SLC49A3: variants seen among roughly 807,000 people sequenced by gnomAD.
SLC49A3 encodes solute carrier family 49 member A3.
SLC49A3 carries 50 observed loss-of-function variants against 43.8 expected under a neutral mutation model. The observed-to-expected ratio is 1.14, with a 90% CI of 0.91 to 1.45. The LOEUF is 1.45. SLC49A3 is among the 40% of genes most tolerant of loss of function. The pLI is 0.00. For missense variants in SLC49A3, 906 were observed against 774.1 expected (o/e 1.17, Z -2.02); for synonymous variants, 413 against 352.0 (o/e 1.17, Z -1.94).
At chr4:678,263 T>C, downstream of SLC49A3, 4 of 1,467,360 alleles carry the variant, frequency 2.7e-6, no homozygotes, top group Non-Finnish European at 3.6e-6. Flanking sequence ...GTTGCTCTCC[T>C]GGTGAGAGTC....
intron 4 of SLC49A3, 84 bp from the exon 5 acceptor site, chr4:684,940 T>TC (rs1354778759): frequency 3.0e-5 from 45 of 1,491,946 alleles, no homozygotes; most frequent in Non-Finnish European, 3.9e-5. Flanking sequence ...AGGCGCCACC[T>TC]CCCAGCTCCT....
rs1478576881 is a variant in SLC49A3, at chr4:688,973, G to A, written c.135+20C>T. ...GGGACTGAGGGTCCCGGAGCCACCT[G>A]TCCCCGCCCCTGCCCCTACCGTGGC... is the stretch of plus-strand genomic sequence containing the variant. On this transcript the variant is annotated intron_variant, in intron 1 of 9. Coordinates refer to ENST00000322224, the MANE Select transcript of SLC49A3 (RefSeq NM_032219.4). 1 of 1,584,200 alleles carries A rather than the reference G, an allele frequency of 6.3e-7. No individual in the cohort carries two copies. Among genetic ancestry groups the A allele is most frequent in the Admixed American group, 1.7e-5 (1 of 58,044 alleles).
At position 682,447 on chromosome 4, in the gene SLC49A3, G is replaced by T. The variant is rs149444319; in HGVS notation, c.1262-71C>A. On this transcript the variant is annotated intron_variant, in intron 9 of 9. Transcript: ENST00000322224. ...CACAGATGGGCAGAGCCCAATGCTGGCCTATGGTGACCCCACTACCCTTGA... is the reference window on the plus strand; with the variant it reads ...CACAGATGGGCAGAGCCCAATGCTGTCCTATGGTGACCCCACTACCCTTGA... 1.2e-3 allele frequency: 1,598 copies of T among 1,292,016 alleles called. 1 individual carries two copies. The highest frequency in any genetic ancestry group is 6.3e-3 in the Middle Eastern group (29 of 4,598). The allele number at this position is 1,292,016 out of a possible 1,614,324, so 80.0% of individuals were successfully genotyped here.
rs563442885 is a variant in SLC49A3, at chr4:686,223, G to C, written c.374C>G (p.Pro125Arg). 33 of 1,613,600 alleles carry C rather than the reference G, an allele frequency of 2.0e-5. No homozygotes were observed. The South Asian group carries it at 2.3e-4, about 11-fold the overall frequency. Residue 125 changes from proline to arginine, a missense_variant, in exon 3 of 10, where the codon CCA (proline) becomes CGA (arginine). Coordinates refer to ENST00000322224, the MANE Select transcript of SLC49A3 (RefSeq NM_032219.4). ...VPCMVVGTQN[P>R]FAFLMGGQSL... ...CTGGCCACCCATGAGGAAGGCAAAT[G>C]GGTTTTGGGTCCCAACAACCATGCA...
At chr4:680,598 G>T (rs572105459), downstream of SLC49A3, 141 of 1,601,730 alleles carry the variant, frequency 8.8e-5, no homozygotes, top group Admixed American at 8.1e-4. Flanking sequence ...GTGAGTGCCC[G>T]GGCGGCCAGG....
downstream of SLC49A3, chr4:680,088 G>A (rs192490854): frequency 2.5e-4 from 341 of 1,349,462 alleles, no homozygotes; most frequent in Non-Finnish European, 3.2e-4. Context: ...GACATTTCAC[G>A]TAAAAATCTC....
At position 684,487 on chromosome 4, in the gene SLC49A3, G is replaced by T. The variant is rs759501936; in HGVS notation, c.836C>A (p.Ser279Tyr). Residue 279 changes from serine to tyrosine, a missense_variant, in exon 6 of 10, where the codon TCC becomes TAC. Coordinates refer to ENST00000322224, the MANE Select transcript of SLC49A3 (RefSeq NM_032219.4). ...CAGGGGTGGGGCCAGGCTCACACTG[G>T]AGTGGCCGCTTGCACAGAGGATCTG... Reference protein sequence around the residue: ...LEQILCASGHSSGFSGLCGAL... With the variant: ...LEQILCASGHYSGFSGLCGAL... The T allele has an allele frequency of 4.3e-6, 7 of 1,612,806 alleles. No homozygotes were observed. In the African/African-American group the frequency reaches 8.0e-5, roughly 18 times the overall value.
At chr4:686,805 A>C in intron 1 of SLC49A3, 115 bp from the exon 2 acceptor site, 1 of 1,351,178 alleles carries the variant, frequency 7.4e-7, no homozygotes, top group Non-Finnish European at 1.0e-6. Context: ...CCGAGGGGAC[A>C]CAGCGAGCTG....
Position 682,030 on chromosome 4 carries a change from C to G in SLC49A3, c.1608G>C (p.Arg536Ser). The change falls in exon 10 of 10, where the codon AGG becomes AGC. Residue 536 changes from arginine (R) to serine (S), a missense_variant. Arg to Ser is a moderately radical substitution (Grantham distance 110). Transcript: ENST00000322224. Reference sequence around the variant, plus strand: ...GGTCAATAAACCTGGACGCTTGGACCCTGCCTGCGAGTCTGCCGGGGCGGG... The same window carrying G: ...GGTCAATAAACCTGGACGCTTGGACGCTGCCTGCGAGTCTGCCGGGGCGGG... Reference protein sequence around the residue: ...APSRPGRLAGRVQASRFIDPA... With the variant: ...APSRPGRLAGSVQASRFIDPA... The G allele has an allele frequency of 7.0e-7, 1 of 1,430,324 alleles. No homozygotes were observed. Among genetic ancestry groups the G allele is most frequent in the Non-Finnish European group, 9.3e-7 (1 of 1,078,846 alleles). 88.6% of individuals were successfully genotyped at this position (1,430,324 alleles called of 1,614,324 possible).
In SLC49A3 at chr4:686,818, C is replaced by T. The variant is rs532686329; in HGVS notation, c.136-128G>A. 7.2e-4 allele frequency: 879 copies of T among 1,221,232 alleles called. 3 individuals carry two copies. Among genetic ancestry groups the T allele is most frequent in the Non-Finnish European group, 9.3e-4 (829 of 891,892 alleles). 75.6% of individuals were successfully genotyped at this position (1,221,232 alleles called of 1,614,324 possible). A position where few individuals can be genotyped will look rare whatever the true frequency, so the allele number is the denominator to read the frequency against. ...GGCCGAGGGGACACAGCGAGCTGGA[C>T]ACGGGGCCTTCCTGCCCAAGGAGAG... On this transcript the variant is annotated intron_variant, in intron 1 of 9. Coordinates refer to ENST00000322224, the MANE Select transcript of SLC49A3 (RefSeq NM_032219.4).
Position 688,778 on chromosome 4 carries a change from C to T in SLC49A3, c.135+215G>A, listed in dbSNP as rs190746404. 8.0e-6 allele frequency: 5 copies of T among 621,924 alleles called. No homozygotes were observed. The East Asian group carries it at 1.4e-4, about 18-fold the overall frequency. The allele number at this position is 621,924 out of a possible 1,614,324, so 38.5% of individuals were successfully genotyped here. ...GGCTGGGACTCCGTGACTGGCAGAT[C>T]CCCCGGGGCACCCAGCCCTGCTCTG... On this transcript the variant is annotated intron_variant, in intron 1 of 9. Coordinates refer to ENST00000322224, the MANE Select transcript of SLC49A3 (RefSeq NM_032219.4).
downstream of SLC49A3, among the ~76,000 whole-genome samples, chr4:677,536 C>T (rs2109324303): frequency 6.6e-6 from 1 of 152,332 alleles, no homozygotes; most frequent in East Asian, 1.9e-4. Flanking sequence ...TGACTTCTGT[C>T]ACCAAGGCAG....
At position 682,218 on chromosome 4, in the gene SLC49A3, C is replaced by G. The variant is rs575427264; in HGVS notation, c.1420G>C (p.Gly474Arg). The change falls in exon 10 of 10, where the codon GGG becomes CGG. Residue 474 changes from glycine to arginine, a missense_variant. Coordinates refer to ENST00000322224, the MANE Select transcript of SLC49A3 (RefSeq NM_032219.4). The part of the protein sequence containing the change: ...GADSGPGVDR[G>R]GAGRAGVLGP... Reference sequence around the variant, plus strand: ...AGGACCCCAGCCCTTCCTGCTCCCCCTCGGTCCACACCCGGCCCTGAGTCT... The same window carrying G: ...AGGACCCCAGCCCTTCCTGCTCCCCGTCGGTCCACACCCGGCCCTGAGTCT... 2.2e-6 allele frequency: 3 copies of G among 1,382,856 alleles called. No individual in the cohort carries two copies. Among genetic ancestry groups the G allele is most frequent in the African/African-American group, 3.0e-5 (2 of 66,652 alleles). The allele number at this position is 1,382,856 out of a possible 1,614,324, so 85.7% of individuals were successfully genotyped here.
upstream of SLC49A3, among the ~76,000 whole-genome samples, chr4:690,275 T>C (rs1281563043): frequency 1.3e-5 from 2 of 150,380 alleles, no homozygotes; most frequent in African/African-American, 2.5e-5. Flanking sequence ...TCACCCGGGG[T>C]GTCCTGAGAT....
Position 683,198 on chromosome 4 carries a change from A to G in SLC49A3, c.1151+12T>C. 6.2e-7 allele frequency: 1 copy of G among 1,612,650 alleles called. No homozygotes were observed. The highest frequency in any genetic ancestry group is 8.5e-7 in the Non-Finnish European group (1 of 1,179,856). ...ATCTCTGGGGTTGCAGCAGGGGCAGATGGACACTCACCCCAGCACAAAGAT... is the reference window on the plus strand; with the variant it reads ...ATCTCTGGGGTTGCAGCAGGGGCAGGTGGACACTCACCCCAGCACAAAGAT... On this transcript the variant is annotated intron_variant, in intron 8 of 9. Transcript: ENST00000322224.
chr4:679,783 G>A (rs1293560776), downstream of SLC49A3: 1 of 725,552 alleles, frequency 1.4e-6, no homozygotes, highest in African/African-American at 1.8e-5. Context: ...CACGTGCCTG[G>A]GCCAAGCGTC....
chr4:685,855 C>T lies in SLC49A3; in HGVS notation c.565G>A (p.Gly189Ser), dbSNP rs1397737373. 6 of 1,613,990 alleles carry T rather than the reference C, an allele frequency of 3.7e-6. No homozygotes were observed. The highest frequency in any genetic ancestry group is 1.3e-5 in the African/African-American group (1 of 75,056). ...NVLSPVLVKKGEDIPLMLGVY... is the reference protein window; with the variant it reads ...NVLSPVLVKKSEDIPLMLGVY... ...CTCACCATTAACGGAATGTCCTCAC[C>T]CTTCTTGACCAGCACAGGGGACAGC... The change falls in exon 4 of 10, where the codon GGT (glycine) becomes AGT (serine). Residue 189 changes from glycine to serine, a missense_variant. Gly to Ser is a moderately conservative substitution (Grantham distance 56). Transcript: ENST00000322224. The surrounding 1 kb of genome is among the most constrained non-coding windows in gnomAD (Gnocchi z 4.3).
rs1001886391 is a variant in SLC49A3 at position 685,359 on chromosome 4, G to A, written c.585+476C>T. Among the ~76,000 whole-genome samples the A allele has an allele frequency of 4.6e-5, 7 of 151,296 alleles. No individual in the cohort carries two copies. Among genetic ancestry groups the A allele is most frequent in the African/African-American group, 1.5e-4 (6 of 41,116 alleles). ...CACATGGGCACAGGAACAGAGACACGCACCGCACACACCACACACACTCAA... is the reference window on the plus strand; with the variant it reads ...CACATGGGCACAGGAACAGAGACACACACCGCACACACCACACACACTCAA... On this transcript the variant is annotated intron_variant, in intron 4 of 9. Coordinates refer to ENST00000322224, the MANE Select transcript of SLC49A3 (RefSeq NM_032219.4). The surrounding 1 kb of genome is among the most constrained non-coding windows in gnomAD (Gnocchi z 4.3).
intron 1 of SLC49A3, 112 bp from the exon 2 acceptor site, chr4:686,802 G>T: frequency 1.5e-6 from 2 of 1,367,578 alleles, no homozygotes; most frequent in Non-Finnish European, 2.0e-6. Flanking sequence ...AGGCCGAGGG[G>T]ACACAGCGAG....
Sources: allele counts gnomAD v4.1 joint callset (sites outside exome capture counted in the v4.1 genomes callset), GRCh38; gene constraint gnomAD v4.1.1; non-coding constraint Gnocchi (gnomAD v3.1); transcripts MANE v1.5; gene names NCBI Gene and HGNC (gene_info 2026-07-23, HGNC 2026-07-21).